Variants in PTBP3 observed in about 807,000 individuals in gnomAD.
PTBP3 encodes the protein polypyrimidine tract binding protein 3.
Under a neutral mutation model 58.7 loss-of-function variants are expected in PTBP3, and 20 were observed. The observed-to-expected ratio is 0.34, with a 90% CI of 0.24 to 0.50. The LOEUF (loss-of-function observed/expected upper bound fraction) is 0.50. Ranked by LOEUF, PTBP3 falls within the 20% of genes least tolerant of loss-of-function variation. The pLI, the probability that PTBP3 is intolerant of heterozygous loss-of-function variation, is 0.98. For missense variants in PTBP3, 509 were observed against 637.2 expected, an observed-to-expected ratio of 0.80 and a Z score of 2.17; for synonymous variants, 185 against 219.8, an observed-to-expected ratio of 0.84 and a Z score of 1.40.
chr9:112,244,501 C>A (rs1441063336), intron 7 of PTBP3, among the ~76,000 whole-genome samples: 1 of 151,082 alleles, frequency 6.6e-6, no homozygotes, highest in Non-Finnish European at 1.5e-5. Context: ...CAGAGGGACC[C>A]TACCTCTACA....
chr9:112,319,401 T>C (rs746865422), intron 1 of PTBP3, among the ~76,000 whole-genome samples: 2 of 151,998 alleles, frequency 1.3e-5, no homozygotes, highest in Non-Finnish European at 2.9e-5. Flanking sequence ...CCAGGTGTGG[T>C]AGCGTGTGCC....
Position 112,268,285 on chromosome 9 carries a change from A to G in PTBP3, c.205-90T>C. On this transcript the variant is annotated intron_variant, in intron 3 of 13. Transcript: ENST00000374257. ...TGCCATTCTAGCTTGCTCTAAACCC[A>G]TGCACTCTCAAGTAAAATGACATTT... 3 of 1,313,254 alleles carry G rather than the reference A, an allele frequency of 2.3e-6. No homozygotes were observed. In the South Asian group the frequency reaches 5.6e-5, roughly 25 times the overall value. The allele number at this position is 1,313,254 out of a possible 1,614,324, so 81.4% of individuals were successfully genotyped here.
chr9:112,377,669 G>T, the PTBP3 span, among the ~76,000 whole-genome samples: 2 of 152,332 alleles, frequency 1.3e-5, no homozygotes, highest in Non-Finnish European at 1.5e-5. Context: ...GTAACCAGTA[G>T]TCTGTCAGGA....
intron 4 of PTBP3, among the ~76,000 whole-genome samples, chr9:112,267,257 C>CCAGGCTCACGCCATTCCCCTGTCT (rs1265455845): frequency 6.6e-6 from 1 of 152,020 alleles, no homozygotes; most frequent in African/African-American, 2.4e-5. Flanking sequence ...GCTCCGCCTC[C>CCAGGCTCACGCCATTCCCCTGTCT]CAGGCTCACG....
intron 2 of PTBP3, among the ~76,000 whole-genome samples, chr9:112,278,055 A>G (rs1221958074): frequency 6.6e-6 from 1 of 151,972 alleles, no homozygotes; most frequent in Non-Finnish European, 1.5e-5. Context: ...AAATACCTAA[A>G]ATGTCATTTC....
At chr9:112,301,448 GA>G (rs1174749301) in intron 1 of PTBP3, among the ~76,000 whole-genome samples, 1 of 42,746 alleles carries the variant, frequency 2.3e-5, no homozygotes, top group Admixed American at 2.7e-4. Flanking sequence ...GGTGTTTTCT[GA>G]AAAAAAGAAA....
At chr9:112,340,144 G>T in the PTBP3 span, among the ~76,000 whole-genome samples, 1 of 151,988 alleles carries the variant, frequency 6.6e-6, no homozygotes, top group Non-Finnish European at 1.5e-5. Context: ...ATTTTTGCTG[G>T]TGTGTTCTTA....
At chr9:112,359,688 A>G in the PTBP3 span, among the ~76,000 whole-genome samples, 1 of 152,138 alleles carries the variant, frequency 6.6e-6, no homozygotes, top group South Asian at 2.1e-4. Context: ...CTGTAATCCC[A>G]GCTACTCTAG....
chr9:112,332,734 G>T, intron 1 of PTBP3: 2 of 1,601,122 alleles, frequency 1.2e-6, no homozygotes, highest in South Asian at 1.1e-5. Flanking sequence ...TTAAATTTTT[G>T]AGCATTTGAA....
chr9:112,373,945 C>T, the PTBP3 span, among the ~76,000 whole-genome samples: 4 of 152,310 alleles, frequency 2.6e-5, no homozygotes, highest in South Asian at 4.1e-4. Context: ...ATTCTGTATT[C>T]CCTTTGCCTT....
intron 5 of PTBP3, 43 bp downstream of exon 5, chr9:112,262,392 C>A: frequency 6.9e-7 from 1 of 1,457,712 alleles, no homozygotes; most frequent in Middle Eastern, 1.8e-4. Flanking sequence ...TTTCAGAGGC[C>A]ATATTTAACT....
At chr9:112,311,480 G>T (rs1829470822) in intron 1 of PTBP3, among the ~76,000 whole-genome samples, 1 of 152,156 alleles carries the variant, frequency 6.6e-6, no homozygotes, top group African/African-American at 2.4e-5. Flanking sequence ...AGTTTGAACT[G>T]CCCGAGTCCA....
At chr9:112,299,377 T>C (rs1185174672) in intron 1 of PTBP3, among the ~76,000 whole-genome samples, 2 of 152,158 alleles carry the variant, frequency 1.3e-5, no homozygotes, top group African/African-American at 4.8e-5. Flanking sequence ...CTAGATAACA[T>C]TAAAATTAAC....
intron 1 of PTBP3, among the ~76,000 whole-genome samples, chr9:112,313,365 A>G (rs939254434): frequency 2.0e-5 from 3 of 152,236 alleles, no homozygotes; most frequent in African/African-American, 7.2e-5. Context: ...CACTACACCC[A>G]GCCTAATAAG....
chr9:112,264,006 C>T (rs1207247545), intron 4 of PTBP3, among the ~76,000 whole-genome samples: 3 of 151,450 alleles, frequency 2.0e-5, no homozygotes, highest in African/African-American at 7.3e-5. Context: ...GTGTCTGATG[C>T]TAAAAATTAT....
chr9:112,353,737 C>T, the PTBP3 span, among the ~76,000 whole-genome samples: 10 of 151,826 alleles, frequency 6.6e-5, no homozygotes, highest in Non-Finnish European at 1.2e-4. Context: ...GGGCTGATCA[C>T]CCGAGGTCAG....
intron 13 of PTBP3, 73 bp downstream of exon 13, chr9:112,224,060 T>G: frequency 6.4e-7 from 1 of 1,555,260 alleles, no homozygotes; most frequent in Non-Finnish European, 8.8e-7. Context: ...CCAGAAGACT[T>G]CACTGAACTA....
At chr9:112,374,688 A>C in the PTBP3 span, among the ~76,000 whole-genome samples, 1 of 152,240 alleles carries the variant, frequency 6.6e-6, no homozygotes, top group Non-Finnish European at 1.5e-5. Context: ...CCATAAAGTA[A>C]GTATCTTGTT....
chr9:112,238,575 GA>G (rs34438133), intron 7 of PTBP3, among the ~76,000 whole-genome samples: 44,242 of 151,884 alleles, frequency 0.29, 7,105 homozygotes, highest in South Asian at 0.41. Context: ...GAAGCCCAAT[GA>G]GCTCCAATTA....
Sources: allele counts gnomAD v4.1 joint callset (sites outside exome capture counted in the v4.1 genomes callset), GRCh38; gene constraint gnomAD v4.1.1; transcripts MANE v1.5; gene names NCBI Gene and HGNC (gene_info 2026-07-23, HGNC 2026-07-21).